The following ARSG variants were observed in gnomAD, a reference collection of about 807,000 sequenced individuals.
The protein encoded by ARSG is arylsulfatase G, also known as ASG.
ARSG carries 37 observed loss-of-function variants against 50.5 expected under a neutral mutation model. That is an observed-to-expected ratio of 0.73 (90% CI 0.56 to 0.96). The LOEUF (loss-of-function observed/expected upper bound fraction) is 0.96, where lower values mean the gene tolerates loss of function less well. Ranked by LOEUF, ARSG falls within the 50% of genes least tolerant of loss-of-function variation. The pLI is 0.00. For synonymous variants in ARSG, 225 were observed against 254.6 expected (o/e 0.88, Z 1.11); for missense variants, 629 against 675.3 (o/e 0.93, Z 0.76).
At chr17:68,451,842 G>C in the ARSG span, among the ~76,000 whole-genome samples, 4 of 152,186 alleles carry the variant, frequency 2.6e-5, no homozygotes, top group Admixed American at 2.6e-4. Flanking sequence ...TGACCCTCCT[G>C]AGCACAAAGG....
At chr17:68,437,626 C>T in the ARSG span, among the ~76,000 whole-genome samples, 9 of 151,758 alleles carry the variant, frequency 5.9e-5, no homozygotes, top group Middle Eastern at 3.5e-3. Flanking sequence ...GGGTACCTCC[C>T]GAGGAGGAAG....
chr17:68,282,282 C>T (rs1282367789), intron 1 of ARSG, among the ~76,000 whole-genome samples: 4 of 151,392 alleles, frequency 2.6e-5, no homozygotes, highest in African/African-American at 9.7e-5. Context: ...CGTTCTCACT[C>T]ATAGGTGGGA....
At chr17:68,368,271 G>T (rs879661568) in intron 6 of ARSG, among the ~76,000 whole-genome samples, 37 of 152,136 alleles carry the variant, frequency 2.4e-4, no homozygotes, top group Non-Finnish European at 3.8e-4. Flanking sequence ...TGAAAAACGG[G>T]GCTATGATGA....
At position 68,356,690 on chromosome 17, in the gene ARSG, C is replaced by G; in HGVS notation, c.590C>G (p.Thr197Ser). ...PSRNLQRDCY[T>S]DVALPLYENL... is the part of the protein sequence containing the mutation. ...AGGAACCTTCAAAGAGACTGTTACACTGACGTGGCCCTCCCTCTTTATGAA... is the reference window on the plus strand; with the variant it reads ...AGGAACCTTCAAAGAGACTGTTACAGTGACGTGGCCCTCCCTCTTTATGAA... Residue 197 changes from threonine (T) to serine (S), a missense_variant, in exon 6 of 12, where the codon ACT becomes AGT. Physicochemically the swap from Thr to Ser is moderately conservative, Grantham distance 58 (BLOSUM62 1). Coordinates refer to ENST00000621439, the MANE Select transcript of ARSG (RefSeq NM_001267727.2). The G allele has an allele frequency of 6.2e-7, 1 of 1,614,222 alleles. No homozygotes were observed.
At chr17:68,370,597 C>T in intron 8 of ARSG, 73 bp downstream of exon 8, 3 of 1,409,126 alleles carry the variant, frequency 2.1e-6, no homozygotes, top group South Asian at 2.4e-5. Context: ...GATTCTGCCT[C>T]CGGGTGGGGG....
chr17:68,411,483 G>A (rs2147358474), intron 11 of ARSG, among the ~76,000 whole-genome samples: 1 of 152,284 alleles, frequency 6.6e-6, no homozygotes, highest in African/African-American at 2.4e-5. Context: ...ACTGTGGTCT[G>A]AGAGATAGTT....
chr17:68,279,684 A>AGATATT (rs1234398766), intron 1 of ARSG, among the ~76,000 whole-genome samples: 1 of 152,188 alleles, frequency 6.6e-6, no homozygotes, highest in Admixed American at 6.6e-5. Context: ...ACTTCTAAGG[A>AGATATT]GACATTGACA....
downstream of ARSG, chr17:68,426,214 A>T: frequency 8.3e-7 from 1 of 1,204,524 alleles, no homozygotes; most frequent in South Asian, 1.2e-5. Flanking sequence ...AGCACTGGGG[A>T]TCTGCTTTTA....
intron 2 of ARSG, among the ~76,000 whole-genome samples, chr17:68,330,556 C>A (rs558367423): frequency 6.6e-6 from 1 of 152,122 alleles, no homozygotes; most frequent in African/African-American, 2.4e-5. Flanking sequence ...ATGAGAGAAA[C>A]CTCAGATGAC....
At chr17:68,375,562 A>T (rs2080103347) in intron 8 of ARSG, among the ~76,000 whole-genome samples, 1 of 152,260 alleles carries the variant, frequency 6.6e-6, no homozygotes, top group Non-Finnish European at 1.5e-5. Flanking sequence ...TAAAATTAAT[A>T]CAATTTAATT....
chr17:68,338,490 T>TGGC (rs1261280519), intron 2 of ARSG, among the ~76,000 whole-genome samples: 1 of 152,184 alleles, frequency 6.6e-6, no homozygotes, highest in Non-Finnish European at 1.5e-5. Flanking sequence ...CATGGTTTAA[T>TGGC]GGCACCTGCA....
chr17:68,434,179 T>G, the ARSG span, among the ~76,000 whole-genome samples: 1 of 152,216 alleles, frequency 6.6e-6, no homozygotes, highest in African/African-American at 2.4e-5. Flanking sequence ...CTCTGTGCAC[T>G]GATCTGGCTG....
chr17:68,396,342 C>A (rs1055277759), intron 10 of ARSG, among the ~76,000 whole-genome samples: 3 of 152,118 alleles, frequency 2.0e-5, no homozygotes, highest in African/African-American at 4.8e-5. Context: ...ACCAAGCAGA[C>A]CTTGGCAATG....
At chr17:68,261,949 C>T (rs1299632926) in intron 1 of ARSG, among the ~76,000 whole-genome samples, 2 of 150,662 alleles carry the variant, frequency 1.3e-5, no homozygotes, top group East Asian at 3.9e-4. Context: ...GTCAGGAGTT[C>T]GAGACCAGCC....
intron 11 of ARSG, among the ~76,000 whole-genome samples, chr17:68,412,376 A>G (rs2082057505): frequency 6.6e-6 from 1 of 152,038 alleles, no homozygotes; most frequent in South Asian, 2.1e-4. Flanking sequence ...TCCTTCACTT[A>G]TGAAGCTTAG....
chr17:68,290,054 T>A (rs4968794), upstream of ARSG, among the ~76,000 whole-genome samples: 54,900 of 152,060 alleles, frequency 0.36, 10,040 homozygotes, highest in Admixed American at 0.39. Flanking sequence ...GCATCTTTTT[T>A]ACAAGCAAGA....
the ARSG span, among the ~76,000 whole-genome samples, chr17:68,437,016 A>ATGTGTGTGTGTGTGTGTGTGAG: frequency 6.9e-6 from 1 of 144,578 alleles, no homozygotes; most frequent in African/African-American, 2.6e-5. Flanking sequence ...ATATATATAT[A>ATGTGTGTGTGTGTGTGTGTGAG]TGTGTGTGTG....
intron 7 of ARSG, among the ~76,000 whole-genome samples, chr17:68,369,299 G>C (rs1296024905): frequency 6.6e-6 from 1 of 152,164 alleles, no homozygotes; most frequent in Non-Finnish European, 1.5e-5. Flanking sequence ...CAGCACTTTG[G>C]GAGGCTGAGG....
chr17:68,377,840 G>A (rs1051110753), intron 8 of ARSG, among the ~76,000 whole-genome samples: 2 of 152,184 alleles, frequency 1.3e-5, no homozygotes, highest in Non-Finnish European at 2.9e-5. Context: ...CTTTTTTGGG[G>A]CAAGGCCTTC....
Sources: allele counts gnomAD v4.1 joint callset (sites outside exome capture counted in the v4.1 genomes callset), GRCh38; gene constraint gnomAD v4.1.1; transcripts MANE v1.5; gene names NCBI Gene and HGNC (gene_info 2026-07-23, HGNC 2026-07-21).